PTGIR: variants seen among roughly 807,000 people sequenced by gnomAD.
PTGIR encodes prostacyclin receptor.
In PTGIR, 16 loss-of-function variants were observed where a neutral mutation model predicts 17.6. The ratio of observed to expected loss-of-function variants is 0.91; its 90% confidence interval spans 0.61 to 1.38. The LOEUF is 1.38. Among genes scored for constraint, PTGIR ranks in the 40% most tolerant of loss-of-function variants. The pLI, the probability that PTGIR is intolerant of heterozygous loss-of-function variation, is 0.00. For missense variants in PTGIR, 532 were observed against 548.6 expected (o/e 0.97, Z 0.30); for synonymous variants, 274 against 255.4 (o/e 1.07, Z -0.69).
In PTGIR at chr19:46,621,685, T is replaced by C. The variant is rs764519833; in HGVS notation, c.769-13A>G. On this transcript the variant is annotated splice_polypyrimidine_tract_variant and intron_variant, in intron 2 of 2. Coordinates refer to ENST00000291294, the MANE Select transcript of PTGIR (RefSeq NM_000960.4). This position sits in a 1 kb window ranked among gnomAD's most constrained non-coding sequence, Gnocchi z 4.8. ...TGAAGCAGCGGATCTGAGGGCAGGG[T>C]GAGGGCGTCAAGGAGCACCCAGGAG... 4 of 1,605,534 alleles carry C rather than the reference T, an allele frequency of 2.5e-6. No individual in the cohort carries two copies. Among genetic ancestry groups the C allele is most frequent in the Non-Finnish European group, 1.7e-6 (2 of 1,175,448 alleles).
chr19:46,613,976 T>G, the PTGIR span, among the ~76,000 whole-genome samples: 20 of 152,222 alleles, frequency 1.3e-4, no homozygotes, highest in Admixed American at 1.0e-3. Flanking sequence ...GGCTACATTA[T>G]TAAATAATCA....
chr19:46,618,453 AC>A (rs955919390), downstream of PTGIR, among the ~76,000 whole-genome samples: 2 of 151,712 alleles, frequency 1.3e-5, no homozygotes, highest in African/African-American at 4.9e-5. Context: ...ACAGGCCAGC[AC>A]CCAGCTAATT....
chr19:46,619,998 G>C (rs1174539204), downstream of PTGIR, among the ~76,000 whole-genome samples: 2 of 152,230 alleles, frequency 1.3e-5, no homozygotes, highest in Admixed American at 1.3e-4. Context: ...TGAGAAGCCT[G>C]TGTGGATGGC....
At chr19:46,624,829 T>G (rs2052785296) in intron 1 of PTGIR, 168 bp downstream of exon 1, 1 of 144,788 alleles carries the variant, frequency 6.9e-6, no homozygotes, top group African/African-American at 2.5e-5. Flanking sequence ...ACAGAGAACA[T>G]CCGGGCATTG....
chr19:46,620,293 G>A (rs1409803365), downstream of PTGIR, among the ~76,000 whole-genome samples: 3 of 152,124 alleles, frequency 2.0e-5, no homozygotes, highest in East Asian at 1.9e-4. Flanking sequence ...GTAGAGACAA[G>A]TTCTCGATAT....
At chr19:46,623,318 C>A (rs2052752360) in intron 2 of PTGIR, 140 bp downstream of exon 2, 2 of 1,070,704 alleles carry the variant, frequency 1.9e-6, no homozygotes, top group Non-Finnish European at 2.6e-6. Flanking sequence ...TTTCTACATG[C>A]TGGGATTACA....
intron 1 of PTGIR, 108 bp from the exon 2 acceptor site, chr19:46,624,345 A>C: frequency 9.4e-7 from 1 of 1,062,838 alleles, no homozygotes. Flanking sequence ...GGGGCCTCCC[A>C]GCCAACCCCC....
At chr19:46,619,434 G>T (rs1308355003), downstream of PTGIR, among the ~76,000 whole-genome samples, 1 of 151,072 alleles carries the variant, frequency 6.6e-6, no homozygotes, top group Non-Finnish European at 1.5e-5. Flanking sequence ...GGCGGAGTTT[G>T]CAGTGAGCCA....
In PTGIR at chr19:46,620,790, G is replaced by A. The variant is rs1972048579; in HGVS notation, c.*490C>T. The A allele has an allele frequency of 1.0e-6, 1 of 986,180 alleles. No individual in the cohort carries two copies. The highest frequency in any genetic ancestry group is 1.7e-5 in the African/African-American group (1 of 57,266). The allele number at this position is 986,180 out of a possible 1,614,324, so 61.1% of individuals were successfully genotyped here. ...GGGGGACCAGCGGCAAGGGAAGGCA[G>A]GGAGCTTTTCCAATAACTGTGGTTT... On this transcript the variant is annotated 3_prime_UTR_variant, in exon 3 of 3. Transcript: ENST00000291294.
Position 46,621,888 on chromosome 19 carries a change from G to A in PTGIR, c.769-216C>T. On this transcript the variant is annotated intron_variant, in intron 2 of 2. Transcript: ENST00000291294. This position sits in a 1 kb window ranked among gnomAD's most constrained non-coding sequence, Gnocchi z 4.8. ...GATGCCTAAGGGGAGAGGGATGGGG[G>A]CCAGGTATGTGGGTCCCCCCACCCT... 2 of 1,341,544 alleles carry A rather than the reference G, an allele frequency of 1.5e-6. No individual in the cohort carries two copies. The highest frequency in any genetic ancestry group is 2.8e-5 in the East Asian group (1 of 35,532). 83.1% of individuals were successfully genotyped at this position (1,341,544 alleles called of 1,614,324 possible).
the PTGIR span, among the ~76,000 whole-genome samples, chr19:46,613,975 A>G: frequency 6.6e-6 from 1 of 152,206 alleles, no homozygotes; most frequent in Non-Finnish European, 1.5e-5. Flanking sequence ...AGGCTACATT[A>G]TTAAATAATC....
chr19:46,615,656 C>T (rs1300469897), downstream of PTGIR, among the ~76,000 whole-genome samples: 2 of 152,028 alleles, frequency 1.3e-5, no homozygotes, highest in African/African-American at 4.8e-5. Flanking sequence ...CGGGTGCCCA[C>T]CACCACGCCC....
chr19:46,614,949 G>T, the PTGIR span, among the ~76,000 whole-genome samples: 3 of 152,180 alleles, frequency 2.0e-5, 1 homozygote, highest in Non-Finnish European at 2.9e-5. Context: ...TTGAACCCAG[G>T]GGGCAGAGGT....
the PTGIR span, chr19:46,614,355 G>A: frequency 8.1e-6 from 8 of 983,706 alleles, no homozygotes; most frequent in African/African-American, 1.2e-4. Context: ...CCCAGGCCCA[G>A]CCCACGGCAT....
In PTGIR at chr19:46,624,010, G is replaced by A. The variant is rs199583724; in HGVS notation, c.216C>T (p.Phe72=). 1.2e-5 allele frequency: 18 copies of A among 1,546,340 alleles called. No individual in the cohort carries two copies. Among genetic ancestry groups the A allele is most frequent in the Admixed American group, 5.9e-5 (3 of 50,952 alleles). Reference sequence around the variant, plus strand: ...GGGAGCTGTTGCGCGCATAGGCCACGAACACGGCCGGGCTCAGGAAGCTGG... The same window carrying A: ...GGGAGCTGTTGCGCGCATAGGCCACAAACACGGCCGGGCTCAGGAAGCTGG... ...LGTSFLSPAV[F]VAYARNSSLL... is the part of the protein sequence containing the mutation. The change falls in exon 2 of 3, where the codon TTC becomes TTT. Residue 72 remains phenylalanine (F), a synonymous_variant. Coordinates refer to ENST00000291294, the MANE Select transcript of PTGIR (RefSeq NM_000960.4).
downstream of PTGIR, among the ~76,000 whole-genome samples, chr19:46,619,582 A>AAT (rs1568675691): frequency 1.5e-3 from 157 of 105,284 alleles, 3 homozygotes; most frequent in Non-Finnish European, 2.2e-3. Flanking sequence ...AGAGAGAGAG[A>AAT]GAAAGAAAGA....
chr19:46,611,942 G>A, the PTGIR span, among the ~76,000 whole-genome samples: 105 of 152,372 alleles, frequency 6.9e-4, 2 homozygotes, highest in East Asian at 0.018. Context: ...CTTGGCCTCA[G>A]AGGGCAGGGG....
the PTGIR span, among the ~76,000 whole-genome samples, chr19:46,613,998 C>A: frequency 5.3e-5 from 8 of 152,246 alleles, no homozygotes; most frequent in Non-Finnish European, 7.3e-5. Context: ...GACTTCCCTT[C>A]CCATTTTTTA....
downstream of PTGIR, among the ~76,000 whole-genome samples, chr19:46,620,271 T>A (rs770518577): frequency 6.6e-6 from 1 of 151,976 alleles, no homozygotes; most frequent in Non-Finnish European, 1.5e-5. Flanking sequence ...AGCTAATTTT[T>A]AAAATTTTTT....
Sources: allele counts gnomAD v4.1 joint callset (sites outside exome capture counted in the v4.1 genomes callset), GRCh38; gene constraint gnomAD v4.1.1; non-coding constraint Gnocchi (gnomAD v3.1); transcripts MANE v1.5; gene names NCBI Gene and HGNC (gene_info 2026-07-23, HGNC 2026-07-21).